The following GRIN2B variants were observed in gnomAD, a reference collection of about 807,000 sequenced individuals.
GRIN2B encodes the protein glutamate ionotropic receptor NMDA type subunit 2B.
In GRIN2B, 5 loss-of-function variants were observed where a neutral mutation model predicts 114.5. That is an observed-to-expected ratio of 0.04 (90% CI 0.02 to 0.09). The LOEUF is 0.09. Ranked by LOEUF, GRIN2B falls within the 10% of genes least tolerant of loss-of-function variation. The probability of loss-of-function intolerance (pLI) is 1.00; values close to 1 mark genes in which losing one functional copy is unlikely to be tolerated. For synonymous variants in GRIN2B, 787 were observed against 745.1 expected (o/e 1.06, Z -0.92); for missense variants, 1,108 against 1,943.5 (o/e 0.57, Z 8.08).
At chr12:13,855,464 C>T (rs1324979139) in intron 3 of GRIN2B, among the ~76,000 whole-genome samples, 1 of 152,102 alleles carries the variant, frequency 6.6e-6, no homozygotes, top group Non-Finnish European at 1.5e-5. Flanking sequence ...GGGCTTAAAA[C>T]AACAGAAATG....
At chr12:13,776,524 A>G (rs921512294) in intron 3 of GRIN2B, among the ~76,000 whole-genome samples, 2 of 152,236 alleles carry the variant, frequency 1.3e-5, no homozygotes, top group African/African-American at 4.8e-5. Flanking sequence ...GCACTTAAAG[A>G]GTCAGGAAAG....
intron 5 of GRIN2B, among the ~76,000 whole-genome samples, chr12:13,633,276 C>A (rs868679808): frequency 2.0e-5 from 3 of 152,238 alleles, no homozygotes; most frequent in South Asian, 2.1e-4. Flanking sequence ...TGCACATTCT[C>A]AGGCATCTCT....
intron 2 of GRIN2B, among the ~76,000 whole-genome samples, chr12:13,904,608 T>C (rs1043888276): frequency 2.0e-5 from 3 of 152,124 alleles, no homozygotes; most frequent in Non-Finnish European, 2.9e-5. Flanking sequence ...CATCTTGGGC[T>C]TATGTTCATT....
intron 3 of GRIN2B, among the ~76,000 whole-genome samples, chr12:13,763,967 C>A (rs998530205): frequency 6.6e-6 from 1 of 152,158 alleles, no homozygotes; most frequent in Non-Finnish European, 1.5e-5. Flanking sequence ...TTTAAGACTT[C>A]TGAGGTTCTA....
chr12:13,681,860 C>T (rs1950134174), intron 4 of GRIN2B, among the ~76,000 whole-genome samples: 1 of 152,076 alleles, frequency 6.6e-6, no homozygotes, highest in Non-Finnish European at 1.5e-5. Flanking sequence ...TTATTAGCTG[C>T]TGTTATTACT....
chr12:13,693,930 C>G (rs1340748558), intron 4 of GRIN2B, among the ~76,000 whole-genome samples: 4 of 152,094 alleles, frequency 2.6e-5, no homozygotes, highest in African/African-American at 9.7e-5. Context: ...CCAACTACTA[C>G]CATCTAGAGG....
intron 3 of GRIN2B, among the ~76,000 whole-genome samples, chr12:13,812,521 A>G (rs1242012719): frequency 6.6e-6 from 1 of 151,946 alleles, no homozygotes; most frequent in East Asian, 1.9e-4. Context: ...AACTGTAGAC[A>G]TTTTCCATGA....
chr12:13,980,860 T>TGCACACTGGGCATTTCTTGGAAGGG (rs1863120702), intron 1 of GRIN2B, among the ~76,000 whole-genome samples: 1 of 151,938 alleles, frequency 6.6e-6, no homozygotes, highest in African/African-American at 2.4e-5. Context: ...GTGCACGGGG[T>TGCACACTGGGCATTTCTTGGAAGGG]GCACACTGGG....
At chr12:13,792,384 T>C (rs2136666024) in intron 3 of GRIN2B, among the ~76,000 whole-genome samples, 1 of 152,350 alleles carries the variant, frequency 6.6e-6, no homozygotes, top group South Asian at 2.1e-4. Flanking sequence ...ACCACCATGA[T>C]GGCTATCCCT....
At chr12:13,636,849 T>C (rs1949670151) in intron 5 of GRIN2B, among the ~76,000 whole-genome samples, 1 of 152,172 alleles carries the variant, frequency 6.6e-6, no homozygotes, top group South Asian at 2.1e-4. Flanking sequence ...AATGGAGATA[T>C]TAATAATACC....
chr12:13,659,557 G>A (rs1467011717), intron 5 of GRIN2B, among the ~76,000 whole-genome samples: 1 of 151,886 alleles, frequency 6.6e-6, no homozygotes, highest in Non-Finnish European at 1.5e-5. Flanking sequence ...TGCTTCTAAT[G>A]CTCTTTAAGC....
chr12:13,811,135 T>C (rs1864720808), intron 3 of GRIN2B, among the ~76,000 whole-genome samples: 1 of 152,248 alleles, frequency 6.6e-6, no homozygotes, highest in Non-Finnish European at 1.5e-5. Flanking sequence ...CAGGCATTTA[T>C]AAGTGTTCGG....
At chr12:13,946,501 A>C (rs918037818) in intron 2 of GRIN2B, among the ~76,000 whole-genome samples, 1 of 152,070 alleles carries the variant, frequency 6.6e-6, no homozygotes, top group Non-Finnish European at 1.5e-5. Context: ...CATTATATAC[A>C]TGATGCTTGA....
rs2136395761 is a variant in GRIN2B, at chr12:13,558,317, A to G, written c.*4466T>C. 6.6e-6 allele frequency: 1 copy of G among 152,296 alleles called. No homozygotes were observed. Among genetic ancestry groups the G allele is most frequent in the African/African-American group, 2.4e-5 (1 of 41,540 alleles). The allele number at this position is 152,296 out of a possible 1,614,324, so 9.4% of individuals were successfully genotyped here. A position where few individuals can be genotyped will look rare whatever the true frequency, so the allele number is the denominator to read the frequency against. On this transcript the variant is annotated 3_prime_UTR_variant, in exon 14 of 14. Transcript: ENST00000609686. ...TGAATCATTCCTAACATACAAAAAC[A>G]GACATTCACAGGGTGTCAAGCAATG...
intron 5 of GRIN2B, among the ~76,000 whole-genome samples, chr12:13,666,719 T>C (rs1316544317): frequency 6.6e-6 from 1 of 152,118 alleles, no homozygotes; most frequent in East Asian, 1.9e-4. Context: ...CTCTCATAAA[T>C]AGGTATTGTG....
intron 3 of GRIN2B, among the ~76,000 whole-genome samples, chr12:13,771,605 G>T (rs765159979): frequency 5.3e-5 from 8 of 152,112 alleles, no homozygotes; most frequent in Non-Finnish European, 1.2e-4. Flanking sequence ...ATATAAAAGT[G>T]CTAATTCTTA....
chr12:13,809,749 G>A (rs866903032), intron 3 of GRIN2B, among the ~76,000 whole-genome samples: 9 of 152,166 alleles, frequency 5.9e-5, no homozygotes, highest in Admixed American at 5.9e-4. Context: ...CTGAATAAAT[G>A]GATAAACCTA....
At position 13,542,852 on chromosome 12, in the gene GRIN2B, C is replaced by G. The variant is rs1948296328; in HGVS notation, c.*19931G>C. ...TCCTCTTTGAGGACCCTGAATCACTCCCAGGTGGTGAGCATTTCCACTTGC... is the reference window on the plus strand; with the variant it reads ...TCCTCTTTGAGGACCCTGAATCACTGCCAGGTGGTGAGCATTTCCACTTGC... On this transcript the variant is annotated 3_prime_UTR_variant, in exon 14 of 14. Transcript: ENST00000609686. 1 of 152,264 alleles carries G rather than the reference C, an allele frequency of 6.6e-6. No individual in the cohort carries two copies. The highest frequency in any genetic ancestry group is 2.1e-4 in the South Asian group (1 of 4,820). The allele number at this position is 152,264 out of a possible 1,614,324, so 9.4% of individuals were successfully genotyped here. A position where few individuals can be genotyped will look rare whatever the true frequency, so the allele number is the denominator to read the frequency against.
rs561982995 is a variant in GRIN2B at position 13,572,336 on chromosome 12, A to T, written c.2011-372T>A. The stretch of plus-strand genomic sequence containing the variant: ...GCTAGTCACCTTTCTTTCTAAAAAA[A>T]TATGTAAAATCTGTATTCAGGCCTC... On this transcript the variant is annotated intron_variant, in intron 10 of 13. Coordinates refer to ENST00000609686, the MANE Select transcript of GRIN2B (RefSeq NM_000834.5). Among the ~76,000 whole-genome samples, 7 of 152,340 alleles carry T rather than the reference A, an allele frequency of 4.6e-5. No individual in the cohort carries two copies. The East Asian group carries it at 1.3e-3, about 29-fold the overall frequency.
Sources: allele counts gnomAD v4.1 joint callset (sites outside exome capture counted in the v4.1 genomes callset), GRCh38; gene constraint gnomAD v4.1.1; transcripts MANE v1.5; gene names NCBI Gene and HGNC (gene_info 2026-07-23, HGNC 2026-07-21).